ATG7: variants seen among roughly 807,000 people sequenced by gnomAD.
ATG7 encodes the protein autophagy related 7.
In ATG7, 70 loss-of-function variants were observed where a neutral mutation model predicts 82.4. The ratio of observed to expected loss-of-function variants is 0.85; its 90% CI spans 0.70 to 1.04. The LOEUF is 1.04. Among genes scored for constraint, ATG7 ranks in the 50% least tolerant of loss-of-function variants. The probability of loss-of-function intolerance (pLI) is 0.00; values close to 1 mark genes in which losing one functional copy is unlikely to be tolerated. For missense variants in ATG7, 792 were observed against 864.3 expected, an observed-to-expected ratio of 0.92 and a Z score of 1.05; for synonymous variants, 287 against 313.0, an observed-to-expected ratio of 0.92 and a Z score of 0.88.
In ATG7 at chr3:11,454,616, A is replaced by G. The variant is rs1231819377; in HGVS notation, c.2079+27690A>G. Among the ~76,000 whole-genome samples the G allele has an allele frequency of 2.0e-5, 3 of 152,316 alleles. No individual in the cohort carries two copies. In the East Asian group the frequency reaches 5.8e-4, roughly 29 times the overall value. On this transcript the variant is annotated intron_variant, in intron 20 of 20. Transcript: ENST00000693202. ...TACCATTATCCCGGTCTTTCTGGGC[A>G]TATGAGGCCACATTTCCCTTTTAGC...
intron 19 of ATG7, among the ~76,000 whole-genome samples, chr3:11,415,634 G>A (rs921933198): frequency 8.5e-5 from 13 of 152,056 alleles, no homozygotes; most frequent in African/African-American, 3.1e-4. Context: ...CTCAGGGTCA[G>A]GATCATCAGT....
Position 11,442,509 on chromosome 3 carries a change from A to G in ATG7, c.2079+15583A>G, listed in dbSNP as rs147938044. Among the ~76,000 whole-genome samples, 30 of 152,170 alleles carry G rather than the reference A, an allele frequency of 2.0e-4. No individual in the cohort carries two copies. In the East Asian group the frequency reaches 5.8e-3, roughly 29 times the overall value. The stretch of plus-strand genomic sequence containing the variant: ...ACGTAAATATCTTGAACTTTAAACA[A>G]TCATTAGCCATTAAAATTTTAATGT... On this transcript the variant is annotated intron_variant, in intron 20 of 20. Coordinates refer to ENST00000693202, the MANE Select transcript of ATG7 (RefSeq NM_001349232.2).
At chr3:11,467,048 C>T (rs1436902323) in intron 20 of ATG7, among the ~76,000 whole-genome samples, 4 of 151,992 alleles carry the variant, frequency 2.6e-5, no homozygotes, top group Non-Finnish European at 5.9e-5. Flanking sequence ...CACTTGAACC[C>T]GAGAGGCAGA....
chr3:11,401,234 AC>A (rs2079807151), intron 19 of ATG7, among the ~76,000 whole-genome samples: 1 of 152,220 alleles, frequency 6.6e-6, no homozygotes, highest in Non-Finnish European at 1.5e-5. Flanking sequence ...GTTTTGATAA[AC>A]CACTGCTATA....
chr3:11,365,983 G>A (rs1171390659), intron 18 of ATG7, among the ~76,000 whole-genome samples: 1 of 152,128 alleles, frequency 6.6e-6, no homozygotes, highest in East Asian at 1.9e-4. Context: ...ACTTTGGGAG[G>A]CCGAGGCGGG....
In ATG7 at chr3:11,279,291, A is replaced by T. The variant is rs1255023910; in HGVS notation, c.-365-1703A>T. Among the ~76,000 whole-genome samples the T allele has an allele frequency of 2.0e-5, 3 of 152,260 alleles. No individual in the cohort carries two copies. In the East Asian group the frequency reaches 5.8e-4, roughly 29 times the overall value. On this transcript the variant is annotated intron_variant, in intron 1 of 20. Coordinates refer to ENST00000693202, the MANE Select transcript of ATG7 (RefSeq NM_001349232.2). ...CAGTGTGCAGGGATAGCTCTAAACA[A>T]AAAAGAATTGTTCCATCCAGCATGC...
At chr3:11,539,975 G>A (rs1166413787) in intron 20 of ATG7, among the ~76,000 whole-genome samples, 1 of 152,208 alleles carries the variant, frequency 6.6e-6, no homozygotes, top group East Asian at 1.9e-4. Context: ...CTCACCTGGT[G>A]AGCTGTTCTT....
At chr3:11,334,378 G>A (rs560640828) in intron 11 of ATG7, among the ~76,000 whole-genome samples, 1 of 151,830 alleles carries the variant, frequency 6.6e-6, no homozygotes, top group Non-Finnish European at 1.5e-5. Context: ...CCAAGAAGCT[G>A]GGATTACAGG....
intron 18 of ATG7, among the ~76,000 whole-genome samples, chr3:11,368,750 A>G (rs2076799724): frequency 6.8e-6 from 1 of 146,614 alleles, no homozygotes; most frequent in Non-Finnish European, 1.5e-5. Flanking sequence ...AAAAAAAAAA[A>G]AAGGAATCAA....
rs180996830 is a variant in ATG7 at position 11,422,842 on chromosome 3, C to T, written c.1957-3962C>T. ...CAATCTCAGCTCACTGCAACGTCCGCCTCCTGGGTTTAAGTGATTCTCTTG... is the reference window on the plus strand; with the variant it reads ...CAATCTCAGCTCACTGCAACGTCCGTCTCCTGGGTTTAAGTGATTCTCTTG... On this transcript the variant is annotated intron_variant, in intron 19 of 20. Transcript: ENST00000693202. Among the ~76,000 whole-genome samples the T allele has an allele frequency of 3.3e-5, 5 of 149,308 alleles. No homozygotes were observed. The Admixed American group carries it at 3.4e-4, about 10-fold the overall frequency.
intron 20 of ATG7, among the ~76,000 whole-genome samples, chr3:11,517,617 A>G (rs1221839906): frequency 6.6e-6 from 1 of 152,158 alleles, no homozygotes; most frequent in Admixed American, 6.5e-5. Context: ...TGGCCCTGGG[A>G]GGCTTCACTA....
chr3:11,336,158 T>A lies in ATG7; in HGVS notation c.889+3065T>A, dbSNP rs1359396951. On this transcript the variant is annotated intron_variant, in intron 11 of 20. Coordinates refer to ENST00000693202, the MANE Select transcript of ATG7 (RefSeq NM_001349232.2). ...AAGCAATTCTTCTGCCTCAGCCTCC[T>A]GAGTAGCTGGGACTACAGGTACACG... Among the ~76,000 whole-genome samples the A allele has an allele frequency of 4.0e-5, 6 of 150,490 alleles. No homozygotes were observed. In the South Asian group the frequency reaches 8.5e-4, roughly 21 times the overall value.
chr3:11,313,838 A>G (rs1559376119), intron 8 of ATG7, among the ~76,000 whole-genome samples: 1 of 152,110 alleles, frequency 6.6e-6, no homozygotes. Context: ...GGGCTCAAGC[A>G]ATCTGTCCAC....
intron 3 of ATG7, among the ~76,000 whole-genome samples, chr3:11,287,336 A>G (rs1272725575): frequency 2.0e-5 from 3 of 152,164 alleles, no homozygotes; most frequent in Admixed American, 2.0e-4. Context: ...TGAGCAGGTC[A>G]CCTCTGAGCT....
intron 20 of ATG7, among the ~76,000 whole-genome samples, chr3:11,473,763 A>T (rs1336487087): frequency 1.3e-5 from 2 of 152,218 alleles, no homozygotes; most frequent in African/African-American, 4.8e-5. Context: ...CTGGGAATAT[A>T]TATTAATATT....
At chr3:11,456,159 C>G (rs541172845) in intron 20 of ATG7, among the ~76,000 whole-genome samples, 1 of 152,204 alleles carries the variant, frequency 6.6e-6, no homozygotes, top group Non-Finnish European at 1.5e-5. Context: ...CCTCTGGCCC[C>G]CTAACCCTGA....
Position 11,556,981 on chromosome 3 carries a change from T to G in ATG7, c.*2138T>G, listed in dbSNP as rs1225883527. The G allele has an allele frequency of 6.6e-6, 1 of 152,612 alleles. No homozygotes were observed. Among genetic ancestry groups the G allele is most frequent in the Non-Finnish European group, 1.5e-5 (1 of 68,042 alleles). 9.5% of individuals were successfully genotyped at this position (152,612 alleles called of 1,614,324 possible). ...TTCACCCAGTGCCAATTTCCAAAAT[T>G]CAACAGCTAAAAACTGTAAAACCGG... On this transcript the variant is annotated 3_prime_UTR_variant, in exon 21 of 21. Coordinates refer to ENST00000693202, the MANE Select transcript of ATG7 (RefSeq NM_001349232.2).
rs1289172745 is a variant in ATG7, at chr3:11,556,077, G to T, written c.*1234G>T. On this transcript the variant is annotated 3_prime_UTR_variant, in exon 21 of 21. Coordinates refer to ENST00000693202, the MANE Select transcript of ATG7 (RefSeq NM_001349232.2). The stretch of plus-strand genomic sequence containing the variant: ...TGCACACGTACACTATGTGGTTTAA[G>T]AGCACTTTATTATTGTTCTTAAGGC... The T allele has an allele frequency of 6.5e-6, 1 of 152,732 alleles. No homozygotes were observed. The highest frequency in any genetic ancestry group is 1.5e-5 in the Non-Finnish European group (1 of 68,040). The allele number at this position is 152,732 out of a possible 1,614,324, so 9.5% of individuals were successfully genotyped here.
chr3:11,524,794 A>C (rs1054035240), intron 20 of ATG7, among the ~76,000 whole-genome samples: 28 of 151,330 alleles, frequency 1.9e-4, no homozygotes, highest in Non-Finnish European at 2.8e-4. Flanking sequence ...CATTTAAAAC[A>C]AAAACAAAAA....
Sources: gnomAD v4.1 joint callset for allele counts (sites outside exome capture counted in the v4.1 genomes callset) on GRCh38, gnomAD v4.1.1 for gene constraint, MANE v1.5 for transcripts, NCBI Gene and HGNC (gene_info 2026-07-23, HGNC 2026-07-21) for gene names.